AATF: variants seen among roughly 807,000 people sequenced by gnomAD.
AATF encodes the protein apoptosis antagonizing transcription factor, also known as protein AATF.
A neutral mutation model predicts 63.7 loss-of-function variants in AATF; 48 were observed. That is an observed-to-expected ratio of 0.75 (90% CI 0.60 to 0.96). The LOEUF is 0.96. Among genes scored for constraint, AATF ranks in the 40% least tolerant of loss-of-function variants. The pLI is 0.00. For missense variants in AATF, 639 were observed against 685.7 expected (o/e 0.93, Z 0.76); for synonymous variants, 258 against 247.7 (o/e 1.04, Z -0.39).
chr17:36,960,202 C>T (rs201102400), intron 4 of AATF, among the ~76,000 whole-genome samples: 12 of 152,128 alleles, frequency 7.9e-5, no homozygotes, highest in East Asian at 3.9e-4. Flanking sequence ...GTAGTAGAGA[C>T]GAGGTTTCAC....
chr17:36,967,744 TTATTC>T (rs1226197943), intron 4 of AATF, among the ~76,000 whole-genome samples: 1 of 152,220 alleles, frequency 6.6e-6, no homozygotes, highest in African/African-American at 2.4e-5. Flanking sequence ...TAAAATACCT[TTATTC>T]TATCATCACA....
At chr17:37,029,303 G>T (rs1224670143) in intron 10 of AATF, among the ~76,000 whole-genome samples, 1 of 145,016 alleles carries the variant, frequency 6.9e-6, no homozygotes, top group African/African-American at 2.6e-5. Context: ...GAGTGCAGTG[G>T]CCTGATCTCG....
Position 37,040,230 on chromosome 17 carries a change from A to G in AATF, c.1619+8545A>G, listed in dbSNP as rs562023289. On this transcript the variant is annotated intron_variant, in intron 11 of 11. Transcript: ENST00000619387. ...TTTTCACCTTAATTTAGTTAGTCAT[A>G]ATCATGTTATTGATGTGCCCCACAG... is the stretch of plus-strand genomic sequence containing the variant. 3.3e-5 allele frequency among the ~76,000 whole-genome samples: 5 copies of G among 152,316 alleles called. No individual in the cohort carries two copies. The East Asian group carries it at 7.7e-4, about 24-fold the overall frequency.
intron 8 of AATF, among the ~76,000 whole-genome samples, chr17:37,004,881 C>G (rs1026958830): frequency 2.0e-5 from 3 of 152,188 alleles, no homozygotes; most frequent in African/African-American, 7.2e-5. Flanking sequence ...TCACTACATT[C>G]ATCCATGTGG....
intron 11 of AATF, among the ~76,000 whole-genome samples, chr17:37,034,342 A>T (rs2071574024): frequency 6.6e-6 from 1 of 152,228 alleles, no homozygotes. Context: ...GTAAGAAGGA[A>T]GTAGTAATAG....
At chr17:37,008,267 T>G (rs1227382716) in intron 8 of AATF, among the ~76,000 whole-genome samples, 3 of 152,206 alleles carry the variant, frequency 2.0e-5, no homozygotes, top group Non-Finnish European at 4.4e-5. Context: ...TTATCATCTT[T>G]TTAAGTCCCA....
intron 8 of AATF, among the ~76,000 whole-genome samples, chr17:37,011,445 G>C (rs1388372548): frequency 6.6e-6 from 1 of 152,190 alleles, no homozygotes; most frequent in African/African-American, 2.4e-5. Flanking sequence ...AGCGGAGATG[G>C]AGAAAAGTGG....
At chr17:37,019,317 C>T (rs1488525607) in intron 9 of AATF, among the ~76,000 whole-genome samples, 1 of 152,204 alleles carries the variant, frequency 6.6e-6, no homozygotes, top group Admixed American at 6.5e-5. Context: ...CTTTCTTATG[C>T]TCTTTGCTCC....
At chr17:37,021,804 C>CAAAAAAA (rs1246008885) in intron 10 of AATF, among the ~76,000 whole-genome samples, 1 of 91,594 alleles carries the variant, frequency 1.1e-5, no homozygotes, top group South Asian at 3.2e-4. Context: ...GACTCCGTCT[C>CAAAAAAA]AAAAAAAAAA....
intron 11 of AATF, among the ~76,000 whole-genome samples, chr17:37,036,604 T>A (rs75117690): frequency 0.017 from 2,520 of 147,788 alleles, 68 homozygotes; most frequent in African/African-American, 0.055. Flanking sequence ...TCTATTTTTT[T>A]AAAAAAAAAA....
chr17:36,974,798 CAG>C (rs773369494), intron 4 of AATF, among the ~76,000 whole-genome samples: 41 of 152,086 alleles, frequency 2.7e-4, no homozygotes, highest in South Asian at 8.3e-4. Flanking sequence ...GTGAATCAAA[CAG>C]GGAAAATTTT....
chr17:37,050,377 A>G (rs2071737876), intron 11 of AATF, among the ~76,000 whole-genome samples: 1 of 152,354 alleles, frequency 6.6e-6, no homozygotes, highest in African/African-American at 2.4e-5. Flanking sequence ...AATATTTTTA[A>G]TTAATTGATT....
At chr17:36,974,868 TCTC>T (rs2142229722) in intron 4 of AATF, among the ~76,000 whole-genome samples, 1 of 152,318 alleles carries the variant, frequency 6.6e-6, no homozygotes, top group East Asian at 1.9e-4. Context: ...CCACTCTAAT[TCTC>T]CTTTTTTTTG....
At chr17:36,961,590 G>A (rs969101103) in intron 4 of AATF, among the ~76,000 whole-genome samples, 6 of 151,982 alleles carry the variant, frequency 3.9e-5, no homozygotes, top group Non-Finnish European at 7.4e-5. Flanking sequence ...TAGTAGCCAC[G>A]TGTAGCTAGT....
intron 4 of AATF, among the ~76,000 whole-genome samples, chr17:36,957,183 A>G (rs1334592160): frequency 6.6e-6 from 1 of 152,230 alleles, no homozygotes; most frequent in Non-Finnish European, 1.5e-5. Context: ...GGCTTGGTTT[A>G]GATTTCATCT....
intron 11 of AATF, among the ~76,000 whole-genome samples, chr17:37,053,934 T>C (rs2071776039): frequency 6.6e-6 from 1 of 152,240 alleles, no homozygotes; most frequent in Non-Finnish European, 1.5e-5. Context: ...GTAGGTTCCA[T>C]TGCAGGCATT....
chr17:37,039,426 C>T (rs2142310679), intron 11 of AATF, among the ~76,000 whole-genome samples: 1 of 152,300 alleles, frequency 6.6e-6, no homozygotes, highest in East Asian at 1.9e-4. Context: ...TAAAGGCTCC[C>T]ATTACTCTTT....
chr17:37,001,155 T>C (rs1195067348), intron 8 of AATF, among the ~76,000 whole-genome samples: 1 of 151,790 alleles, frequency 6.6e-6, no homozygotes, highest in African/African-American at 2.4e-5. Context: ...CCCGTCTCTA[T>C]AAAAAGCAAA....
intron 8 of AATF, among the ~76,000 whole-genome samples, chr17:37,009,660 A>G (rs2071370954): frequency 1.3e-5 from 2 of 149,220 alleles, no homozygotes; most frequent in African/African-American, 4.9e-5. Context: ...TACTAAAAAT[A>G]CAAAAAATTA....
Sources: gnomAD v4.1 joint callset for allele counts (sites outside exome capture counted in the v4.1 genomes callset) on GRCh38, gnomAD v4.1.1 for gene constraint, MANE v1.5 for transcripts, NCBI Gene and HGNC (gene_info 2026-07-23, HGNC 2026-07-21) for gene names.